MMP25: variants seen among roughly 807,000 people sequenced by gnomAD.
MMP25 encodes the protein matrix metalloproteinase-25.
In MMP25, 68 loss-of-function variants were observed where a neutral mutation model predicts 62.1. The observed-to-expected ratio is 1.10, with a 90% CI of 0.90 to 1.34. MMP25 has a LOEUF of 1.34. Ranked by LOEUF, MMP25 falls within the 40% of genes most tolerant of loss-of-function variation. The pLI, the probability that MMP25 is intolerant of heterozygous loss-of-function variation, is 0.00. For missense variants in MMP25, 942 were observed against 792.5 expected (o/e 1.19, Z -2.26); for synonymous variants, 407 against 345.6 (o/e 1.18, Z -1.97).
Position 3,057,282 on chromosome 16 carries a change from G to A in MMP25, c.839-28G>A, listed in dbSNP as rs200617124. On this transcript the variant is annotated intron_variant, in intron 5 of 9. Transcript: ENST00000336577. ...GTCCTCTGCAGCAGGGCCAGGGGAC[G>A]CACACCTGCCTGACTCTTTCCTCAC... 2,037 of 1,613,764 alleles carry A rather than the reference G, an allele frequency of 1.3e-3. 14 individuals are homozygous for A. Among genetic ancestry groups the A allele is most frequent in the South Asian group, 6.1e-3 (558 of 91,062 alleles).
chr16:3,048,542 T>G (rs1405415753), intron 2 of MMP25, among the ~76,000 whole-genome samples: 1 of 152,168 alleles, frequency 6.6e-6, no homozygotes, highest in Non-Finnish European at 1.5e-5. Flanking sequence ...GGCAGGTCCC[T>G]CTGAAAAGTG....
intron 2 of MMP25, 158 bp from the exon 3 acceptor site, chr16:3,049,851 G>C (rs2151153406): frequency 9.2e-7 from 1 of 1,084,178 alleles, no homozygotes; most frequent in East Asian, 2.4e-5. Context: ...TCCAGAGACA[G>C]ACTGCCTGGG....
chr16:3,057,377 G>C lies in MMP25; in HGVS notation c.906G>C (p.Pro302=). The C allele has an allele frequency of 6.2e-7, 1 of 1,612,864 alleles. No homozygotes were observed. Among genetic ancestry groups the C allele is most frequent in the Admixed American group, 1.7e-5 (1 of 59,854 alleles). Residue 302 remains proline (P), a synonymous_variant, in exon 6 of 10, where the codon CCG becomes CCC. Coordinates refer to ENST00000336577, the MANE Select transcript of MMP25 (RefSeq NM_022468.5). ...CCCTGGCTCCTCCGCCCCAGCCCCC[G>C]GCCTCGCCCACACACAGGTGAGTCC... The part of the protein sequence containing the change: ...RKPLAPPPQP[P]ASPTHSPSFP...
rs1956054370 is a variant in MMP25, at chr16:3,058,460, G to A, written c.1208G>A (p.Arg403Gln). The A allele has an allele frequency of 1.3e-6, 2 of 1,596,870 alleles. No individual in the cohort carries two copies. Among genetic ancestry groups the A allele is most frequent in the Non-Finnish European group, 8.5e-7 (1 of 1,172,624 alleles). Reference protein sequence around the residue: ...FQDRQLEGGARPLTELGLPPG... With the variant: ...FQDRQLEGGAQPLTELGLPPG... ...GACCGGCAGCTGGAGGGCGGGGCGC[G>A]GCCGCTCACGGAGCTGGGGCTGCCC... The change falls in exon 9 of 10, where the codon CGG (arginine) becomes CAG (glutamine). Residue 403 changes from arginine (R) to glutamine (Q), a missense_variant. Physicochemically the swap from Arg to Gln is conservative, Grantham distance 43 (BLOSUM62 1). Coordinates refer to ENST00000336577, the MANE Select transcript of MMP25 (RefSeq NM_022468.5).
rs1034135971 is a variant in MMP25, at chr16:3,046,909, G to C, written c.-9G>C. ...CGAACCCCGCCGGCGGCCCGGGCTG[G>C]GGCGCACCATGCGGCTGCGGCTCCG... On this transcript the variant is annotated 5_prime_UTR_variant, in exon 1 of 10. Coordinates refer to ENST00000336577, the MANE Select transcript of MMP25 (RefSeq NM_022468.5). 5 of 1,435,322 alleles carry C rather than the reference G, an allele frequency of 3.5e-6. No homozygotes were observed. The highest frequency in any genetic ancestry group is 3.0e-5 in the East Asian group (1 of 33,254). The allele number at this position is 1,435,322 out of a possible 1,614,324, so 88.9% of individuals were successfully genotyped here.
rs1198387909 is a variant in MMP25, at chr16:3,046,878, C to T, written c.-40C>T. On this transcript the variant is annotated 5_prime_UTR_variant, in exon 1 of 10. Coordinates refer to ENST00000336577, the MANE Select transcript of MMP25 (RefSeq NM_022468.5). Reference sequence around the variant, plus strand: ...GTCCCCGGGGCGGCCCCAGCCAGGCCCCCTTCGAACCCCGCCGGCGGCCCG... The same window carrying T: ...GTCCCCGGGGCGGCCCCAGCCAGGCTCCCTTCGAACCCCGCCGGCGGCCCG... 8.0e-7 allele frequency: 1 copy of T among 1,254,534 alleles called. No individual in the cohort carries two copies. Among genetic ancestry groups the T allele is most frequent in the South Asian group, 1.7e-5 (1 of 57,238 alleles). 77.7% of individuals were successfully genotyped at this position (1,254,534 alleles called of 1,614,324 possible).
chr16:3,058,436 A>G lies in MMP25; in HGVS notation c.1184A>G (p.Asp395Gly), dbSNP rs749813103. The G allele has an allele frequency of 3.5e-5, 55 of 1,581,832 alleles. 1 individual carries two copies. The highest frequency in any genetic ancestry group is 4.5e-5 in the Non-Finnish European group (52 of 1,164,356). The change falls in exon 9 of 10, where the codon GAC becomes GGC. Residue 395 changes from aspartate to glycine, a missense_variant. Transcript: ENST00000336577. ...GGGCCCCAGTTCTGGGTGTTCCAGGACCGGCAGCTGGAGGGCGGGGCGCGG... is the reference window on the plus strand; with the variant it reads ...GGGCCCCAGTTCTGGGTGTTCCAGGGCCGGCAGCTGGAGGGCGGGGCGCGG... ...FSGPQFWVFQ[D>G]RQLEGGARPL...
At chr16:3,050,187 G>T in intron 3 of MMP25, 43 bp downstream of exon 3, 1 of 1,581,232 alleles carries the variant, frequency 6.3e-7, no homozygotes, top group Non-Finnish European at 8.6e-7. Context: ...TGCCTGCTGG[G>T]CTCCGGCTTT....
chr16:3,047,902 C>A (rs139301624), intron 2 of MMP25, among the ~76,000 whole-genome samples: 1 of 150,540 alleles, frequency 6.6e-6, no homozygotes, highest in East Asian at 1.9e-4. Context: ...TGCAATGGTA[C>A]CATCTCGGCT....
chr16:3,049,857 C>G (rs1955872812), intron 2 of MMP25, 152 bp from the exon 3 acceptor site: 2 of 1,140,554 alleles, frequency 1.8e-6, no homozygotes, highest in South Asian at 2.6e-5. Context: ...GACAGACTGC[C>G]TGGGTTCAAA....
Position 3,059,356 on chromosome 16 carries a change from G to A in MMP25, c.*258G>A. 1.1e-5 allele frequency: 4 copies of A among 377,888 alleles called. No individual in the cohort carries two copies. Among genetic ancestry groups the A allele is most frequent in the South Asian group, 1.1e-4 (1 of 9,316 alleles). 23.4% of individuals were successfully genotyped at this position (377,888 alleles called of 1,614,324 possible). Reference sequence around the variant, plus strand: ...AACCCGCCTTCAGGGGCGCACGCGCGCTGGGACCATGCGTCGGTCGTCGCC... The same window carrying A: ...AACCCGCCTTCAGGGGCGCACGCGCACTGGGACCATGCGTCGGTCGTCGCC... On this transcript the variant is annotated 3_prime_UTR_variant, in exon 10 of 10. Transcript: ENST00000336577.
chr16:3,050,689 C>T (rs1479385655), intron 4 of MMP25, 143 bp downstream of exon 4: 7 of 816,584 alleles, frequency 8.6e-6, no homozygotes, highest in South Asian at 2.4e-5. Flanking sequence ...TCATAGCTAA[C>T]TGCAACCACG....
chr16:3,057,205 CTA>C lies in MMP25; in HGVS notation c.836_837del (p.Tyr279TrpfsTer9). 1 of 1,613,004 alleles carries C rather than the reference CTA, an allele frequency of 6.2e-7. No homozygotes were observed. Among genetic ancestry groups the C allele is most frequent in the Non-Finnish European group, 8.5e-7 (1 of 1,179,492 alleles). Reference protein sequence around the residue: ...QDDRDGLQQLYGKAPQTPYDK... With the variant: ...QDDRDGLQQLXGKAPQTPYDK... ...ATGACCGCGATGGCCTGCAGCAACTCTATGGTAGGGGGAGAGGGACCTGCCGC... is the reference window on the plus strand; with the variant it reads ...ATGACCGCGATGGCCTGCAGCAACTCTGGTAGGGGGAGAGGGACCTGCCGC... On this transcript the variant is annotated frameshift_variant and splice_region_variant, in exon 5 of 10. Transcript: ENST00000336577. LOFTEE classifies it high-confidence loss of function.
chr16:3,058,521 A>T lies in MMP25; in HGVS notation c.1269A>T (p.Pro423=), dbSNP rs1596223120. The T allele has an allele frequency of 6.2e-7, 1 of 1,610,730 alleles. No homozygotes were observed. The highest frequency in any genetic ancestry group is 8.5e-7 in the Non-Finnish European group (1 of 1,179,294). The stretch of plus-strand genomic sequence containing the variant: ...AGGTGGACGCCGTGTTCTCGTGGCC[A>T]CAGAACGGGAAGACCTACCTGGTCC... ...GEEVDAVFSW[P]QNGKTYLVRG... The change falls in exon 9 of 10, where the codon CCA becomes CCT. Residue 423 remains proline (P), a synonymous_variant. Coordinates refer to ENST00000336577, the MANE Select transcript of MMP25 (RefSeq NM_022468.5).
chr16:3,047,820 C>T (rs924484175), intron 2 of MMP25, among the ~76,000 whole-genome samples: 2 of 149,542 alleles, frequency 1.3e-5, no homozygotes, highest in African/African-American at 4.9e-5. Context: ...CAAAGTGAGA[C>T]CCCCCCACTC....
chr16:3,050,537 G>C lies in MMP25; in HGVS notation c.652G>C (p.Gly218Arg). The change falls in exon 4 of 10, where the codon GGG (glycine) becomes CGG (arginine). Residue 218 changes from glycine (G) to arginine (R), a missense_variant. Transcript: ENST00000336577. ...TGACGATGAGGAGACCTGGACTTTTGGGTCAAAAGGTAAAATCTCCTCTCT... is the reference window on the plus strand; with the variant it reads ...TGACGATGAGGAGACCTGGACTTTTCGGTCAAAAGGTAAAATCTCCTCTCT... ...HFDDEETWTF[G>R]SKDGEGTDLF... 6.5e-7 allele frequency: 1 copy of C among 1,538,894 alleles called. No homozygotes were observed. The highest frequency in any genetic ancestry group is 2.0e-5 in the Admixed American group (1 of 49,546).
At position 3,059,394 on chromosome 16, in the gene MMP25, T is replaced by A. The variant is rs1956077613; in HGVS notation, c.*296T>A. ...GTCGGTCGTCGCCCCCGTCGTTCCC[T>A]CCCGGCTGCCGCCAGGGGGCGGTCG... is the stretch of plus-strand genomic sequence containing the variant. On this transcript the variant is annotated 3_prime_UTR_variant, in exon 10 of 10. Transcript: ENST00000336577. 4.5e-5 allele frequency: 13 copies of A among 290,270 alleles called. 1 individual carries two copies. The highest frequency in any genetic ancestry group is 6.4e-5 in the Non-Finnish European group (10 of 156,940). 18.0% of individuals were successfully genotyped at this position (290,270 alleles called of 1,614,324 possible). A position where few individuals can be genotyped will look rare whatever the true frequency, so the allele number is the denominator to read the frequency against.
intron 3 of MMP25, 44 bp from the exon 4 acceptor site, chr16:3,050,210 G>C (rs1489378123): frequency 6.3e-7 from 1 of 1,575,526 alleles, no homozygotes; most frequent in East Asian, 2.3e-5. Flanking sequence ...ATGGCTGCCT[G>C]CTCCCTCCAC....
In MMP25 at chr16:3,047,002, G is replaced by A. The variant is rs146142284; in HGVS notation, c.85G>A (p.Val29Met). The change falls in exon 1 of 10, where the codon GTG (valine) becomes ATG (methionine). Residue 29 changes from valine (V) to methionine (M), a missense_variant. By Grantham distance (21) the Val-to-Met change is conservative (BLOSUM62 1). Transcript: ENST00000336577. ...ARAPKPSAQD[V>M]SLGVDWLTRY... ...CGCCCCGAAGCCCTCGGCGCAGGAC[G>A]TGAGCCTGGGCGTGGTGAGCGCGGG... The A allele has an allele frequency of 4.2e-5, 61 of 1,464,072 alleles. No individual in the cohort carries two copies. In the Middle Eastern group the frequency reaches 9.2e-4, roughly 22 times the overall value. The allele number at this position is 1,464,072 out of a possible 1,614,324, so 90.7% of individuals were successfully genotyped here. A position where few individuals can be genotyped will look rare whatever the true frequency, so the allele number is the denominator to read the frequency against.
Sources: gnomAD v4.1 joint callset for allele counts (sites outside exome capture counted in the v4.1 genomes callset) on GRCh38, gnomAD v4.1.1 for gene constraint, MANE v1.5 for transcripts, NCBI Gene and HGNC (gene_info 2026-07-23, HGNC 2026-07-21) for gene names.